GPC6: variants seen among roughly 807,000 people sequenced by gnomAD.
The protein encoded by GPC6 is glypican 6, also known as glypican-6.
GPC6 carries 14 observed loss-of-function variants against 55.2 expected under a neutral mutation model. That is an observed-to-expected ratio of 0.25 (90% CI 0.17 to 0.40). GPC6 has a LOEUF of 0.40. Among genes scored for constraint, GPC6 ranks in the 10% least tolerant of loss-of-function variants. The probability of loss-of-function intolerance (pLI) is 1.00; values close to 1 mark genes in which losing one functional copy is unlikely to be tolerated. For missense variants in GPC6, 641 were observed against 708.5 expected, an observed-to-expected ratio of 0.90 and a Z score of 1.08; for synonymous variants, 278 against 259.6, an observed-to-expected ratio of 1.07 and a Z score of -0.68.
chr13:94,225,571 A>T (rs1280427716), intron 4 of GPC6, among the ~76,000 whole-genome samples: 1 of 152,004 alleles, frequency 6.6e-6, no homozygotes, highest in Non-Finnish European at 1.5e-5. Context: ...ATGTATTTCC[A>T]TGAACATTTT....
intron 1 of GPC6, among the ~76,000 whole-genome samples, chr13:93,408,707 G>A (rs937988121): frequency 1.1e-4 from 17 of 152,118 alleles, no homozygotes; most frequent in African/African-American, 3.6e-4. Flanking sequence ...TGAGTACTCA[G>A]GTCTGAAAAA....
intron 1 of GPC6, among the ~76,000 whole-genome samples, chr13:93,406,723 C>T (rs904855709): frequency 2.6e-5 from 4 of 152,122 alleles, no homozygotes; most frequent in African/African-American, 9.7e-5. Context: ...GTACTATTGT[C>T]TTGATGTGTC....
chr13:93,225,170 A>T (rs1199669605), upstream of GPC6, among the ~76,000 whole-genome samples: 1 of 152,164 alleles, frequency 6.6e-6, no homozygotes, highest in South Asian at 2.1e-4. Context: ...TAGGACAGGA[A>T]GTGTGTGTTT....
intron 1 of GPC6, among the ~76,000 whole-genome samples, chr13:93,536,605 A>C (rs1373962000): frequency 6.6e-6 from 1 of 152,156 alleles, no homozygotes; most frequent in African/African-American, 2.4e-5. Context: ...TGTATACTAG[A>C]AGTTGTTTAT....
chr13:93,955,832 T>G (rs1049444347), intron 3 of GPC6, among the ~76,000 whole-genome samples: 15 of 152,218 alleles, frequency 9.9e-5, no homozygotes, highest in African/African-American at 3.1e-4. Context: ...TGCTTTAATG[T>G]TTTTACCTTC....
intron 2 of GPC6, among the ~76,000 whole-genome samples, chr13:93,563,773 AG>A: frequency 6.6e-6 from 1 of 151,678 alleles, no homozygotes; most frequent in Non-Finnish European, 1.5e-5. Context: ...AAAAAAAAAA[AG>A]ACTAATCCTG....
chr13:93,618,580 T>A (rs1376140506), intron 2 of GPC6, among the ~76,000 whole-genome samples: 1 of 152,084 alleles, frequency 6.6e-6, no homozygotes, highest in African/African-American at 2.4e-5. Context: ...ACTCAATGTC[T>A]CTAATTACAC....
At chr13:94,036,290 T>A (rs894151680) in intron 4 of GPC6, among the ~76,000 whole-genome samples, 1 of 152,090 alleles carries the variant, frequency 6.6e-6, no homozygotes, top group Admixed American at 6.6e-5. Context: ...ACAGCTCATA[T>A]ATAAATCCCA....
chr13:93,279,590 A>T (rs1877876451), intron 1 of GPC6, among the ~76,000 whole-genome samples: 1 of 152,198 alleles, frequency 6.6e-6, no homozygotes, highest in Non-Finnish European at 1.5e-5. Context: ...ATTTTGAAAA[A>T]TATCCTCTAG....
chr13:93,763,853 C>T (rs1449288896), intron 2 of GPC6, among the ~76,000 whole-genome samples: 3 of 151,362 alleles, frequency 2.0e-5, no homozygotes, highest in Non-Finnish European at 4.4e-5. Flanking sequence ...CTAGGCCATG[C>T]TTCACCCTGC....
At chr13:93,300,281 T>C (rs1195777230) in intron 1 of GPC6, among the ~76,000 whole-genome samples, 1 of 152,206 alleles carries the variant, frequency 6.6e-6, no homozygotes, top group East Asian at 1.9e-4. Flanking sequence ...TGCACTACAT[T>C]ACTGAAAATA....
chr13:93,713,988 G>T (rs1380858053), intron 2 of GPC6, among the ~76,000 whole-genome samples: 2 of 151,790 alleles, frequency 1.3e-5, no homozygotes, highest in African/African-American at 2.4e-5. Flanking sequence ...AACCCTAGAA[G>T]AAAACCCAGG....
chr13:93,334,155 G>A (rs1024655735), intron 1 of GPC6, among the ~76,000 whole-genome samples: 3 of 152,002 alleles, frequency 2.0e-5, no homozygotes, highest in Non-Finnish European at 4.4e-5. Flanking sequence ...CTACCCATCT[G>A]TAATGCCTGC....
At chr13:93,630,216 C>T (rs1003672382) in intron 2 of GPC6, among the ~76,000 whole-genome samples, 1 of 152,158 alleles carries the variant, frequency 6.6e-6, no homozygotes, top group African/African-American at 2.4e-5. Flanking sequence ...CATATCTTCT[C>T]AGTTCAATAA....
chr13:94,361,353 A>G (rs1481172398), intron 6 of GPC6, among the ~76,000 whole-genome samples: 1 of 152,218 alleles, frequency 6.6e-6, no homozygotes, highest in African/African-American at 2.4e-5. Flanking sequence ...TGCCACGTTC[A>G]AATTCCTAAT....
chr13:93,853,270 T>G (rs1416541182), intron 3 of GPC6, among the ~76,000 whole-genome samples: 1 of 151,712 alleles, frequency 6.6e-6, no homozygotes, highest in Non-Finnish European at 1.5e-5. Flanking sequence ...TCTTTTCTTC[T>G]TGGTACAATG....
intron 6 of GPC6, among the ~76,000 whole-genome samples, chr13:94,329,169 G>C (rs532993018): frequency 1.6e-4 from 24 of 152,274 alleles, no homozygotes; most frequent in Non-Finnish European, 3.1e-4. Flanking sequence ...GAGCCAGAGA[G>C]GGACAAAATA....
At chr13:94,054,715 C>T (rs1436619056) in intron 4 of GPC6, among the ~76,000 whole-genome samples, 3 of 152,098 alleles carry the variant, frequency 2.0e-5, no homozygotes, top group Non-Finnish European at 2.9e-5. Context: ...GCCAATTATG[C>T]CATTATTTGT....
intron 3 of GPC6, among the ~76,000 whole-genome samples, chr13:94,017,850 GTAT>G (rs1366556060): frequency 1.3e-5 from 2 of 151,802 alleles, no homozygotes; most frequent in African/African-American, 4.8e-5. Context: ...GCAAATTTTT[GTAT>G]TTTTAGTAGA....
Sources: gnomAD v4.1 joint callset for allele counts (sites outside exome capture counted in the v4.1 genomes callset) on GRCh38, gnomAD v4.1.1 for gene constraint, MANE v1.5 for transcripts, NCBI Gene and HGNC (gene_info 2026-07-23, HGNC 2026-07-21) for gene names.